Variants in DNAJB6 observed in about 807,000 individuals in gnomAD.
DNAJB6 encodes DnaJ heat shock protein family (Hsp40) member B6.
DNAJB6 carries 16 observed loss-of-function variants against 42.7 expected under a neutral mutation model. That is an observed-to-expected ratio of 0.37 (90% CI 0.25 to 0.57). The LOEUF is 0.57. Ranked by LOEUF, DNAJB6 falls within the 20% of genes least tolerant of loss-of-function variation. DNAJB6 has a pLI of 0.74. For missense variants in DNAJB6, 347 were observed against 416.8 expected, an observed-to-expected ratio of 0.83 and a Z score of 1.46; for synonymous variants, 170 against 163.5, an observed-to-expected ratio of 1.04 and a Z score of -0.30.
intron 1 of DNAJB6, among the ~76,000 whole-genome samples, chr7:157,345,700 G>A (rs1356682023): frequency 5.3e-5 from 8 of 152,086 alleles, no homozygotes; most frequent in African/African-American, 1.9e-4. Context: ...TTGCTGAGGG[G>A]CCAAATTTTA....
At chr7:157,391,224 G>A (rs1801325728) in intron 8 of DNAJB6, among the ~76,000 whole-genome samples, 1 of 152,218 alleles carries the variant, frequency 6.6e-6, no homozygotes, top group Admixed American at 6.5e-5. Flanking sequence ...GGGAACTGTG[G>A]AGTTTGCAGC....
chr7:157,359,130 C>T (rs1799453960), intron 2 of DNAJB6, among the ~76,000 whole-genome samples: 2 of 152,164 alleles, frequency 1.3e-5, no homozygotes, highest in Non-Finnish European at 2.9e-5. Flanking sequence ...AGTTCAGCCA[C>T]AGAAGGCTCT....
At chr7:157,342,877 TA>T (rs1378936234) in intron 1 of DNAJB6, among the ~76,000 whole-genome samples, 4 of 152,092 alleles carry the variant, frequency 2.6e-5, no homozygotes, top group African/African-American at 9.7e-5. Flanking sequence ...GTTTCAGAAA[TA>T]TTTTAGGACA....
At chr7:157,347,613 A>AT (rs2116884434) in intron 1 of DNAJB6, among the ~76,000 whole-genome samples, 1 of 152,322 alleles carries the variant, frequency 6.6e-6, no homozygotes, top group Admixed American at 6.5e-5. Flanking sequence ...GTGATGGAAT[A>AT]CGTACCTGTA....
At chr7:157,346,084 C>T (rs982796409) in intron 1 of DNAJB6, among the ~76,000 whole-genome samples, 7 of 151,978 alleles carry the variant, frequency 4.6e-5, no homozygotes, top group South Asian at 2.1e-4. Flanking sequence ...ATTGAACACA[C>T]GGGCCAGGAG....
chr7:157,382,998 TTTG>T (rs999371087), intron 6 of DNAJB6, among the ~76,000 whole-genome samples: 44 of 152,296 alleles, frequency 2.9e-4, no homozygotes, highest in African/African-American at 9.4e-4. Context: ...AGCTTTTTTT[TTTG>T]TTGTGTTTTG....
intron 5 of DNAJB6, among the ~76,000 whole-genome samples, chr7:157,376,450 A>C (rs1013440465): frequency 6.6e-6 from 1 of 152,198 alleles, no homozygotes; most frequent in African/African-American, 2.4e-5. Context: ...AAGAAGTGTC[A>C]CTGAAAAGAG....
chr7:157,366,565 A>C lies in DNAJB6; in HGVS notation c.235+4A>C. On this transcript the variant is annotated splice_donor_region_variant and intron_variant, in intron 4 of 9. Transcript: ENST00000262177. ...GGATTAAATGGTGGAGGAGGAGGTAAGTACGTGAGTTTTTTCTTTGAAGAC... is the reference window on the plus strand; with the variant it reads ...GGATTAAATGGTGGAGGAGGAGGTACGTACGTGAGTTTTTTCTTTGAAGAC... 6.2e-7 allele frequency: 1 copy of C among 1,613,616 alleles called. No individual in the cohort carries two copies. The highest frequency in any genetic ancestry group is 1.3e-5 in the African/African-American group (1 of 75,030).
intron 5 of DNAJB6, chr7:157,370,857 A>G (rs1213845129): frequency 6.6e-6 from 1 of 152,664 alleles, no homozygotes; most frequent in Non-Finnish European, 1.5e-5. Context: ...GTCACTGAGC[A>G]GCCTGCTGAC....
intron 8 of DNAJB6, among the ~76,000 whole-genome samples, chr7:157,399,592 C>T (rs1327862653): frequency 6.6e-6 from 1 of 152,158 alleles, no homozygotes; most frequent in African/African-American, 2.4e-5. Flanking sequence ...CCCTCTAGGC[C>T]TGAGTGCGGT....
chr7:157,365,212 G>A (rs191192314), intron 3 of DNAJB6, among the ~76,000 whole-genome samples: 36 of 152,370 alleles, frequency 2.4e-4, no homozygotes, highest in African/African-American at 7.9e-4. Flanking sequence ...CCTTGCCCAC[G>A]CAAAGTGTTG....
chr7:157,392,647 C>G (rs1289281763), intron 8 of DNAJB6, among the ~76,000 whole-genome samples: 1 of 152,122 alleles, frequency 6.6e-6, no homozygotes, highest in Non-Finnish European at 1.5e-5. Flanking sequence ...AGCGCAGCTC[C>G]TTTCCAGCTC....
At chr7:157,343,258 C>A (rs1006549799) in intron 1 of DNAJB6, among the ~76,000 whole-genome samples, 8 of 151,926 alleles carry the variant, frequency 5.3e-5, no homozygotes, top group African/African-American at 1.9e-4. Context: ...CTCCCAGGTT[C>A]AAGCAATTCT....
chr7:157,376,610 C>T (rs750680190), intron 5 of DNAJB6, among the ~76,000 whole-genome samples: 6 of 151,990 alleles, frequency 3.9e-5, no homozygotes, highest in Non-Finnish European at 8.8e-5. Context: ...AGACATCAAT[C>T]AGATCATAAC....
intron 1 of DNAJB6, among the ~76,000 whole-genome samples, chr7:157,339,637 GTGTGTGTGTGAGA>G (rs1563103601): frequency 1.2e-3 from 70 of 56,722 alleles, no homozygotes; most frequent in Non-Finnish European, 2.2e-3. Context: ...GTGTGTGTGT[GTGTGTGTGTGAGA>G]TGGAGTTTAG....
chr7:157,390,268 A>G (rs1284124416), intron 8 of DNAJB6, among the ~76,000 whole-genome samples: 1 of 152,172 alleles, frequency 6.6e-6, no homozygotes, highest in Non-Finnish European at 1.5e-5. Context: ...TGCCATGTGG[A>G]TCCGAAGGAC....
At chr7:157,393,207 C>T (rs567428301) in intron 8 of DNAJB6, among the ~76,000 whole-genome samples, 179 of 152,096 alleles carry the variant, frequency 1.2e-3, no homozygotes, top group Non-Finnish European at 2.2e-3. Context: ...AACTCCTGAC[C>T]TCGAGTTATC....
intron 5 of DNAJB6, among the ~76,000 whole-genome samples, chr7:157,376,470 A>G (rs1800477958): frequency 6.6e-6 from 1 of 152,216 alleles, no homozygotes; most frequent in Non-Finnish European, 1.5e-5. Context: ...GTCAAACTGT[A>G]AAATATTTGA....
At chr7:157,357,730 C>T (rs1174525167) in intron 1 of DNAJB6, among the ~76,000 whole-genome samples, 2 of 152,122 alleles carry the variant, frequency 1.3e-5, no homozygotes, top group Non-Finnish European at 1.5e-5. Context: ...CTTGTGGGAC[C>T]AGAGGCTACA....
Sources: gnomAD v4.1 joint callset for allele counts (sites outside exome capture counted in the v4.1 genomes callset) on GRCh38, gnomAD v4.1.1 for gene constraint, MANE v1.5 for transcripts, NCBI Gene and HGNC (gene_info 2026-07-23, HGNC 2026-07-21) for gene names.